Variants in PITPNM3 observed in about 807,000 individuals in gnomAD.
The protein encoded by PITPNM3 is membrane-associated phosphatidylinositol transfer protein 3.
PITPNM3 carries 26 observed loss-of-function variants against 102.0 expected under a neutral mutation model. The ratio of observed to expected loss-of-function variants is 0.25; its 90% CI spans 0.19 to 0.35. The LOEUF (loss-of-function observed/expected upper bound fraction) is 0.35. Ranked by LOEUF, PITPNM3 falls within the 10% of genes least tolerant of loss-of-function variation. The pLI, the probability that PITPNM3 is intolerant of heterozygous loss-of-function variation, is 1.00. For synonymous variants in PITPNM3, 578 were observed against 558.6 expected, an observed-to-expected ratio of 1.03 and a Z score of -0.49; for missense variants, 1,083 against 1,346.1, an observed-to-expected ratio of 0.80 and a Z score of 3.06.
In PITPNM3 at chr17:6,453,011, T is replaced by TCTGCCTTCCTGTCTTTCTTTCTCC. The variant is rs1913924260; in HGVS notation, c.*2326_*2327insGGAGAAAGAAAGACAGGAAGGCAG. 1 of 128,720 alleles carries TCTGCCTTCCTGTCTTTCTTTCTCC rather than the reference T, an allele frequency of 7.8e-6. No individual in the cohort carries two copies. Among genetic ancestry groups the TCTGCCTTCCTGTCTTTCTTTCTCC allele is most frequent in the African/African-American group, 2.8e-5 (1 of 36,132 alleles). The allele number at this position is 128,720 out of a possible 1,614,324, so 8.0% of individuals were successfully genotyped here. ...CTCTCTCTGTCTTCCTTTCTCTCTC[T>TCTGCCTTCCTGTCTTTCTTTCTCC]CTCTCTCTCTCTGCCTTCCTGTCTT... On this transcript the variant is annotated 3_prime_UTR_variant, in exon 20 of 20. Coordinates refer to ENST00000262483, the MANE Select transcript of PITPNM3 (RefSeq NM_031220.4).
intron 3 of PITPNM3, among the ~76,000 whole-genome samples, chr17:6,518,572 A>T (rs1454181209): frequency 6.6e-6 from 1 of 152,244 alleles, no homozygotes; most frequent in East Asian, 1.9e-4. Flanking sequence ...AAATCACATA[A>T]ATTCCAAGGA....
rs1914161096 is a variant in PITPNM3 at position 6,457,449 on chromosome 17, G to A, written c.2619+145C>T. The A allele has an allele frequency of 1.5e-6, 2 of 1,356,758 alleles. No homozygotes were observed. The highest frequency in any genetic ancestry group is 2.8e-5 in the South Asian group (2 of 72,648). The allele number at this position is 1,356,758 out of a possible 1,614,324, so 84.0% of individuals were successfully genotyped here. ...CAACACAGGCCCTGGCCCAAGGCAG[G>A]CACCCCGAAGTGTTTGTTGAATAAA... On this transcript the variant is annotated intron_variant, in intron 19 of 19. Transcript: ENST00000262483. This position sits in a 1 kb window ranked among gnomAD's most constrained non-coding sequence, Gnocchi z 4.7.
chr17:6,458,554 C>T lies in PITPNM3; in HGVS notation c.2491-832G>A, dbSNP rs942747603. On this transcript the variant is annotated intron_variant, in intron 18 of 19. Coordinates refer to ENST00000262483, the MANE Select transcript of PITPNM3 (RefSeq NM_031220.4). This position sits in a 1 kb window ranked among gnomAD's most constrained non-coding sequence, Gnocchi z 5.1. ...AGTGGCCGTCACTTCCAGGACCAAA[C>T]TCAGAACCTGCCCCTCTAACTGTGA... is the stretch of plus-strand genomic sequence containing the variant. 2.0e-5 allele frequency among the ~76,000 whole-genome samples: 3 copies of T among 152,216 alleles called. No homozygotes were observed. The highest frequency in any genetic ancestry group is 7.2e-5 in the African/African-American group (3 of 41,454).
Position 6,471,263 on chromosome 17 carries a change from C to T in PITPNM3, c.1522G>A (p.Ala508Thr). The stretch of plus-strand genomic sequence containing the variant: ...CGTCCTGGGCGCTGGAACCTCGAGG[C>T]CTGAGGGGGCGAGGCAGGGGCATCC... The part of the protein sequence containing the change: ...LLDAPASPPQ[A>T]SRFQRPGRRM... Residue 508 changes from alanine (A) to threonine (T), a missense_variant, in exon 12 of 20, where the codon GCC becomes ACC. Ala to Thr is a moderately conservative substitution (Grantham distance 58, BLOSUM62 0). This residue lies in a region of PITPNM3 where 410 missense variants were observed against 638.4 expected (regional missense o/e 0.64). Transcript: ENST00000262483. 1 of 1,613,346 alleles carries T rather than the reference C, an allele frequency of 6.2e-7. No individual in the cohort carries two copies. The highest frequency in any genetic ancestry group is 1.1e-5 in the South Asian group (1 of 91,002).
rs1904939209 is a variant in PITPNM3 at position 6,469,262 on chromosome 17, C to A, written c.1774-921G>T. Among the ~76,000 whole-genome samples, 1 of 152,194 alleles carries A rather than the reference C, an allele frequency of 6.6e-6. No homozygotes were observed. Among genetic ancestry groups the A allele is most frequent in the Non-Finnish European group, 1.5e-5 (1 of 68,036 alleles). On this transcript the variant is annotated intron_variant, in intron 13 of 19. Coordinates refer to ENST00000262483, the MANE Select transcript of PITPNM3 (RefSeq NM_031220.4). The surrounding 1 kb of genome is among the most constrained non-coding windows in gnomAD (Gnocchi z 4.0). ...TCTCTAAGTTCCAGACTCCTCTACT[C>A]CCCTTCCGTCCCAGCAACTAAGAGG...
chr17:6,503,920 G>A lies in PITPNM3; in HGVS notation c.227-346C>T, dbSNP rs539719103. Among the ~76,000 whole-genome samples the A allele has an allele frequency of 2.0e-5, 3 of 151,868 alleles. No individual in the cohort carries two copies. The East Asian group carries it at 5.9e-4, about 30-fold the overall frequency. The stretch of plus-strand genomic sequence containing the variant: ...CTCTATACTCACTCTCTCCTCTGAG[G>A]GTCCACACTGAACTCCAAGCCCACA... On this transcript the variant is annotated intron_variant, in intron 3 of 19. Coordinates refer to ENST00000262483, the MANE Select transcript of PITPNM3 (RefSeq NM_031220.4).
At chr17:6,485,352 T>G (rs1906023705) in intron 4 of PITPNM3, among the ~76,000 whole-genome samples, 1 of 151,854 alleles carries the variant, frequency 6.6e-6, no homozygotes, top group African/African-American at 2.4e-5. Context: ...GAGACGGGGT[T>G]TCTCCATGTT....
At chr17:6,548,147 T>A (rs1180128628) in intron 1 of PITPNM3, among the ~76,000 whole-genome samples, 1 of 152,102 alleles carries the variant, frequency 6.6e-6, no homozygotes, top group Non-Finnish European at 1.5e-5. Flanking sequence ...CCCCACTCCA[T>A]GCCAGCAAGA....
Position 6,457,759 on chromosome 17 carries a change from C to G in PITPNM3, c.2491-37G>C. On this transcript the variant is annotated intron_variant, in intron 18 of 19. Transcript: ENST00000262483. This position sits in a 1 kb window ranked among gnomAD's most constrained non-coding sequence, Gnocchi z 4.7. ...GGCAGGCATAGGGGGAGAGTGAGGC[C>G]AGCCCACCCCCTGGAAAGCCTTCCC... is the stretch of plus-strand genomic sequence containing the variant. The G allele has an allele frequency of 6.4e-7, 1 of 1,557,672 alleles. No individual in the cohort carries two copies.
At position 6,515,829 on chromosome 17, in the gene PITPNM3, A is replaced by G. The variant is rs60039403; in HGVS notation, c.226+9527T>C. On this transcript the variant is annotated intron_variant, in intron 3 of 19. Coordinates refer to ENST00000262483, the MANE Select transcript of PITPNM3 (RefSeq NM_031220.4). ...AATTAAGATCAGATTGCTAATCAAAAGAATCAATCAGAGCACATGAAAATG... is the reference window on the plus strand; with the variant it reads ...AATTAAGATCAGATTGCTAATCAAAGGAATCAATCAGAGCACATGAAAATG... 3.6e-3 allele frequency among the ~76,000 whole-genome samples: 549 copies of G among 152,366 alleles called. 12 individuals are homozygous for G. The East Asian group carries it at 0.073, about 20-fold the overall frequency.
chr17:6,499,452 G>A (rs1023291432), intron 4 of PITPNM3, among the ~76,000 whole-genome samples: 6 of 152,146 alleles, frequency 3.9e-5, no homozygotes, highest in South Asian at 2.1e-4. Flanking sequence ...CAACTCTTGG[G>A]GAAACACTGC....
At chr17:6,525,970 C>A (rs1178375129) in intron 2 of PITPNM3, among the ~76,000 whole-genome samples, 1 of 152,164 alleles carries the variant, frequency 6.6e-6, no homozygotes, top group Admixed American at 6.5e-5. Flanking sequence ...GATGTCATCA[C>A]ATGAGAAGTA....
At chr17:6,555,726 A>G (rs1019723503) in intron 1 of PITPNM3, among the ~76,000 whole-genome samples, 2 of 152,098 alleles carry the variant, frequency 1.3e-5, no homozygotes, top group Non-Finnish European at 2.9e-5. Context: ...TGAACGAATG[A>G]CTAATGCCCG....
At chr17:6,549,510 C>A (rs1910196315) in intron 1 of PITPNM3, among the ~76,000 whole-genome samples, 1 of 152,172 alleles carries the variant, frequency 6.6e-6, no homozygotes, top group African/African-American at 2.4e-5. Flanking sequence ...GAGGCTTCTG[C>A]CCCCTGTCTA....
chr17:6,546,090 G>C (rs186720230), intron 1 of PITPNM3, among the ~76,000 whole-genome samples: 2 of 152,232 alleles, frequency 1.3e-5, no homozygotes, highest in South Asian at 4.1e-4. Context: ...AGCCTTGAAG[G>C]GGGGCTGTCC....
At chr17:6,513,064 T>C (rs1907964410) in intron 3 of PITPNM3, among the ~76,000 whole-genome samples, 1 of 146,120 alleles carries the variant, frequency 6.8e-6, no homozygotes, top group Non-Finnish European at 1.5e-5. Context: ...TCTCAATACA[T>C]GTCTGCAAAA....
chr17:6,542,070 T>C (rs1909757729), intron 1 of PITPNM3, among the ~76,000 whole-genome samples: 1 of 152,154 alleles, frequency 6.6e-6, no homozygotes. Context: ...TCCTCCTCTC[T>C]CCATTGCCCG....
At chr17:6,544,086 G>C (rs757303037) in intron 1 of PITPNM3, among the ~76,000 whole-genome samples, 4 of 152,220 alleles carry the variant, frequency 2.6e-5, no homozygotes, top group Non-Finnish European at 4.4e-5. Flanking sequence ...GCCCCTGAGC[G>C]AGGCCCTGGT....
chr17:6,464,391 G>A (rs948057957), intron 15 of PITPNM3, 73 bp from the exon 16 acceptor site: 59 of 1,510,584 alleles, frequency 3.9e-5, no homozygotes, highest in Non-Finnish European at 4.9e-5. Context: ...GGCTGGGCGG[G>A]GGAACTCTGG....
Sources: allele counts gnomAD v4.1 joint callset (sites outside exome capture counted in the v4.1 genomes callset), GRCh38; gene constraint gnomAD v4.1.1; regional missense constraint gnomAD v4.1.1; non-coding constraint Gnocchi (gnomAD v3.1); transcripts MANE v1.5; gene names NCBI Gene and HGNC (gene_info 2026-07-23, HGNC 2026-07-21).